AHI1: variants seen among roughly 807,000 people sequenced by gnomAD.
The protein encoded by AHI1 is Abelson helper integration site 1.
Under a neutral mutation model 149.3 loss-of-function variants are expected in AHI1, and 123 were observed. That is an observed-to-expected ratio of 0.82 (90% CI 0.71 to 0.96). The LOEUF (loss-of-function observed/expected upper bound fraction) is 0.96. Ranked by LOEUF, AHI1 falls within the 40% of genes least tolerant of loss-of-function variation. The probability of loss-of-function intolerance (pLI) is 0.00; values close to 1 mark genes in which losing one functional copy is unlikely to be tolerated. For synonymous variants in AHI1, 475 were observed against 459.8 expected (o/e 1.03, Z -0.42); for missense variants, 1,439 against 1,422.7 (o/e 1.01, Z -0.18).
At chr6:135,344,620 CCCTCCCTT>C (rs1190262542) in intron 24 of AHI1, among the ~76,000 whole-genome samples, 1 of 143,366 alleles carries the variant, frequency 7.0e-6, no homozygotes, top group African/African-American at 2.5e-5. Flanking sequence ...AACCCTCCCT[CCCTCCCTT>C]CCTCCCTCCC....
intron 3 of AHI1, 79 bp from the exon 4 acceptor site, chr6:135,492,370 G>A: frequency 1.4e-6 from 2 of 1,427,182 alleles, no homozygotes; most frequent in Non-Finnish European, 1.8e-6. Context: ...ACAAGATCAT[G>A]CCATTGTATG....
chr6:135,326,292 A>G (rs895396943), intron 24 of AHI1, among the ~76,000 whole-genome samples: 1 of 152,166 alleles, frequency 6.6e-6, no homozygotes, highest in African/African-American at 2.4e-5. Flanking sequence ...TGGCATTTTT[A>G]TAAGAGGAAG....
chr6:135,437,280 G>GAGATGACAGCTT (rs1210756254), intron 15 of AHI1, among the ~76,000 whole-genome samples: 1 of 152,236 alleles, frequency 6.6e-6, no homozygotes, highest in African/African-American at 2.4e-5. Flanking sequence ...TTCCTCAGCA[G>GAGATGACAGCTT]AGATGACAGC....
At chr6:135,403,025 A>C (rs1014368182) in intron 22 of AHI1, among the ~76,000 whole-genome samples, 3 of 152,222 alleles carry the variant, frequency 2.0e-5, no homozygotes, top group African/African-American at 7.2e-5. Flanking sequence ...GAGTAAAAGA[A>C]GTCAGTTATA....
chr6:135,356,823 T>C (rs1298360975), intron 24 of AHI1, among the ~76,000 whole-genome samples: 1 of 152,210 alleles, frequency 6.6e-6, no homozygotes, highest in Admixed American at 6.5e-5. Context: ...GTCCCACATA[T>C]TAAGTTATCA....
chr6:135,408,271 T>G (rs1781087932), intron 21 of AHI1, among the ~76,000 whole-genome samples: 1 of 152,150 alleles, frequency 6.6e-6, no homozygotes, highest in Non-Finnish European at 1.5e-5. Context: ...GAAGTTACTT[T>G]GCCATGCAAG....
intron 20 of AHI1, 91 bp downstream of exon 20, chr6:135,427,076 T>A (rs1226753519): frequency 7.7e-7 from 1 of 1,302,868 alleles, no homozygotes; most frequent in Non-Finnish European, 1.1e-6. Flanking sequence ...TGTGTACTTT[T>A]GTCAACATTT....
chr6:135,340,545 G>A (rs192529790), intron 24 of AHI1, among the ~76,000 whole-genome samples: 54 of 150,094 alleles, frequency 3.6e-4, no homozygotes, highest in African/African-American at 1.2e-3. Context: ...GAAGTCCTTC[G>A]GACTGAAATG....
chr6:135,366,006 G>A lies in AHI1; in HGVS notation c.3110-7819C>T, dbSNP rs986725828. ...CCCTTCTACATCAATTTTGCTGAGG[G>A]TTTTAATCATAAAGGACGCTGGATT... On this transcript the variant is annotated intron_variant, in intron 23 of 28. Transcript: ENST00000265602. Among the ~76,000 whole-genome samples the A allele has an allele frequency of 7.9e-5, 12 of 152,164 alleles. 1 individual carries two copies. The highest frequency in any genetic ancestry group is 7.9e-4 in the Admixed American group (12 of 15,284).
At chr6:135,453,803 C>T (rs1788500829) in intron 10 of AHI1, among the ~76,000 whole-genome samples, 2 of 152,032 alleles carry the variant, frequency 1.3e-5, no homozygotes, top group South Asian at 2.1e-4. Context: ...ACTCACAACC[C>T]TATTTCTGGG....
At chr6:135,323,378 AC>A in intron 24 of AHI1, 54 bp from the exon 25 acceptor site, 1 of 1,561,024 alleles carries the variant, frequency 6.4e-7, no homozygotes. Context: ...CACAGAGAAA[AC>A]CCCCAACATT....
At chr6:135,461,100 C>G (rs751926661) in intron 8 of AHI1, among the ~76,000 whole-genome samples, 5 of 151,068 alleles carry the variant, frequency 3.3e-5, no homozygotes, top group Non-Finnish European at 7.4e-5. Flanking sequence ...TCAAAAGACA[C>G]CAATGAGAGA....
rs1795361026 is a variant in AHI1 at position 135,492,314 on chromosome 6, T to C, written c.-54-23A>G. The C allele has an allele frequency of 3.4e-6, 5 of 1,474,734 alleles. No individual in the cohort carries two copies. In the South Asian group the frequency reaches 4.5e-5, roughly 13 times the overall value. The allele number at this position is 1,474,734 out of a possible 1,614,324, so 91.4% of individuals were successfully genotyped here. Reference sequence around the variant, plus strand: ...ATCCTATCGAAACAAAGGAGATGTATTTGTAATATGGAACTTCCAAATAAA... The same window carrying C: ...ATCCTATCGAAACAAAGGAGATGTACTTGTAATATGGAACTTCCAAATAAA... On this transcript the variant is annotated intron_variant, in intron 3 of 28. Coordinates refer to ENST00000265602, the MANE Select transcript of AHI1 (RefSeq NM_001134831.2).
chr6:135,415,374 C>T (rs1486083967), intron 20 of AHI1, among the ~76,000 whole-genome samples: 1 of 152,094 alleles, frequency 6.6e-6, no homozygotes, highest in Non-Finnish European at 1.5e-5. Flanking sequence ...TTCTAGATCC[C>T]TGAGGAATTG....
At chr6:135,473,502 T>C (rs1792091119) in intron 5 of AHI1, among the ~76,000 whole-genome samples, 2 of 152,306 alleles carry the variant, frequency 1.3e-5, no homozygotes, top group South Asian at 4.1e-4. Context: ...TACTGACATA[T>C]CTAACTGTAA....
Position 135,485,455 on chromosome 6 carries a change from A to G in AHI1, c.135+5168T>C, listed in dbSNP as rs542424202. ...TTAACTTTAGCCTAATTTTGCAACT[A>G]AAGAAATCATCCACTGGAAACCATT... On this transcript the variant is annotated intron_variant, in intron 5 of 28. Transcript: ENST00000265602. 1.6e-4 allele frequency among the ~76,000 whole-genome samples: 24 copies of G among 152,308 alleles called. No homozygotes were observed. The South Asian group carries it at 4.8e-3, about 30-fold the overall frequency.
At chr6:135,451,923 A>G (rs1290470132) in intron 11 of AHI1, among the ~76,000 whole-genome samples, 1 of 152,100 alleles carries the variant, frequency 6.6e-6, no homozygotes, top group East Asian at 1.9e-4. Flanking sequence ...CAGATTTATA[A>G]AAGGGTGATC....
chr6:135,418,108 T>A (rs776714878), intron 20 of AHI1, among the ~76,000 whole-genome samples: 25 of 152,136 alleles, frequency 1.6e-4, no homozygotes, highest in Non-Finnish European at 1.6e-4. Context: ...TAACCTGGTA[T>A]GTTTAAAACT....
In AHI1 at chr6:135,300,488, G is replaced by A. The variant is rs1278031432; in HGVS notation, c.3485+12C>T. 3 of 1,593,974 alleles carry A rather than the reference G, an allele frequency of 1.9e-6. No individual in the cohort carries two copies. The highest frequency in any genetic ancestry group is 2.7e-5 in the African/African-American group (2 of 74,456). ...ATTTATCACTGCAAATTATTTTGAA[G>A]AAGTTGCTTACTGTGTCATAGATTC... On this transcript the variant is annotated intron_variant, in intron 27 of 28. Transcript: ENST00000265602.
Sources: allele counts gnomAD v4.1 joint callset (sites outside exome capture counted in the v4.1 genomes callset), GRCh38; gene constraint gnomAD v4.1.1; transcripts MANE v1.5; gene names NCBI Gene and HGNC (gene_info 2026-07-23, HGNC 2026-07-21).